The following SMYD3 variants were observed in gnomAD, a reference collection of about 807,000 sequenced individuals.
SMYD3 encodes SET and MYND domain containing 3.
In SMYD3, 36 loss-of-function variants were observed where a neutral mutation model predicts 57.7. The observed-to-expected ratio is 0.62, with a 90% CI of 0.48 to 0.82. SMYD3 has a LOEUF of 0.82. SMYD3 is among the 40% of genes least tolerant of loss of function. The pLI, the probability that SMYD3 is intolerant of heterozygous loss-of-function variation, is 0.00. For synonymous variants in SMYD3, 211 were observed against 195.0 expected, an observed-to-expected ratio of 1.08 and a Z score of -0.68; for missense variants, 515 against 538.8, an observed-to-expected ratio of 0.96 and a Z score of 0.44.
intron 1 of SMYD3, among the ~76,000 whole-genome samples, chr1:246,394,039 C>T (rs775434781): frequency 2.0e-4 from 31 of 152,212 alleles, no homozygotes; most frequent in Non-Finnish European, 4.3e-4. Flanking sequence ...ATAAAGAAAA[C>T]CTAATCAGTT....
intron 5 of SMYD3, among the ~76,000 whole-genome samples, chr1:246,152,120 C>G (rs2061949749): frequency 6.6e-6 from 1 of 152,190 alleles, no homozygotes; most frequent in Non-Finnish European, 1.5e-5. Context: ...AAGGGTTCAG[C>G]CCAGTGGCTG....
At chr1:246,444,770 G>A (rs765119853) in intron 1 of SMYD3, among the ~76,000 whole-genome samples, 11 of 152,182 alleles carry the variant, frequency 7.2e-5, no homozygotes, top group Non-Finnish European at 1.2e-4. Flanking sequence ...CAGCTCCAGA[G>A]TGCTTAACTC....
intron 10 of SMYD3, among the ~76,000 whole-genome samples, chr1:245,787,058 T>C (rs1034633291): frequency 6.6e-6 from 1 of 152,198 alleles, no homozygotes; most frequent in African/African-American, 2.4e-5. Context: ...GCAAACAGAA[T>C]TGTGTTCATT....
intron 8 of SMYD3, among the ~76,000 whole-genome samples, chr1:245,877,159 T>A (rs1335734020): frequency 6.6e-6 from 1 of 152,158 alleles, no homozygotes; most frequent in Non-Finnish European, 1.5e-5. Flanking sequence ...ACGGGGCAGC[T>A]CCCCGGCCCT....
At chr1:245,963,492 G>A (rs973652599) in intron 5 of SMYD3, among the ~76,000 whole-genome samples, 1 of 151,876 alleles carries the variant, frequency 6.6e-6, no homozygotes, top group Non-Finnish European at 1.5e-5. Context: ...AAACTCCAGA[G>A]GTGCCCATCA....
intron 5 of SMYD3, among the ~76,000 whole-genome samples, chr1:245,948,575 GTC>G (rs1401575277): frequency 2.0e-5 from 3 of 152,136 alleles, no homozygotes; most frequent in Non-Finnish European, 4.4e-5. Context: ...TACTGCTCGA[GTC>G]CTAAGCAGCT....
intron 5 of SMYD3, among the ~76,000 whole-genome samples, chr1:245,985,864 T>C (rs6657859): frequency 0.12 from 18,640 of 152,152 alleles, 1,533 homozygotes; most frequent in East Asian, 0.44. Context: ...TTTGGACTCC[T>C]TTCTGGCTCT....
At chr1:246,328,659 T>G (rs1319161696) in intron 4 of SMYD3, among the ~76,000 whole-genome samples, 1 of 151,772 alleles carries the variant, frequency 6.6e-6, no homozygotes, top group African/African-American at 2.4e-5. Flanking sequence ...TTTTTGATGG[T>G]AAATATATGT....
At chr1:246,413,659 C>G (rs191846328) in intron 1 of SMYD3, among the ~76,000 whole-genome samples, 2 of 152,174 alleles carry the variant, frequency 1.3e-5, no homozygotes, top group Admixed American at 1.3e-4. Context: ...CACCCCCACA[C>G]ACTAGCTCCT....
intron 1 of SMYD3, among the ~76,000 whole-genome samples, chr1:246,443,977 C>T (rs528266909): frequency 1.3e-5 from 2 of 152,146 alleles, no homozygotes; most frequent in African/African-American, 2.4e-5. Flanking sequence ...CCCATCACCA[C>T]CACAGACAGA....
intron 10 of SMYD3, among the ~76,000 whole-genome samples, chr1:245,770,130 A>G (rs1392121681): frequency 6.6e-6 from 1 of 152,264 alleles, no homozygotes; most frequent in Non-Finnish European, 1.5e-5. Context: ...AGGAAAACAT[A>G]GACAAAAAAG....
At chr1:246,007,343 G>A (rs910150913) in intron 5 of SMYD3, among the ~76,000 whole-genome samples, 2 of 152,188 alleles carry the variant, frequency 1.3e-5, no homozygotes, top group African/African-American at 4.8e-5. Context: ...AAAGATTTGG[G>A]TGCCTCGTGA....
At chr1:245,921,266 A>T (rs2055905096) in intron 7 of SMYD3, among the ~76,000 whole-genome samples, 1 of 152,212 alleles carries the variant, frequency 6.6e-6, no homozygotes, top group African/African-American at 2.4e-5. Flanking sequence ...ATTACTAAAA[A>T]GTCCAAAAAT....
chr1:246,071,948 T>A (rs12032109), intron 5 of SMYD3, among the ~76,000 whole-genome samples: 163 of 127,538 alleles, frequency 1.3e-3, no homozygotes, highest in African/African-American at 3.2e-3. Flanking sequence ...CTGTGGATGC[T>A]TCCTGTTAGT....
intron 5 of SMYD3, among the ~76,000 whole-genome samples, chr1:246,302,016 C>G (rs893876433): frequency 1.3e-5 from 2 of 152,076 alleles, no homozygotes; most frequent in African/African-American, 4.8e-5. Flanking sequence ...GGAGGACATG[C>G]GAGCTAAGGC....
chr1:246,411,418 G>C (rs561541746), intron 1 of SMYD3, among the ~76,000 whole-genome samples: 2 of 152,120 alleles, frequency 1.3e-5, no homozygotes, highest in Non-Finnish European at 2.9e-5. Context: ...TCAGTGTGGC[G>C]ATTCCTCAGG....
At chr1:245,764,019 T>C (rs893176100) in intron 11 of SMYD3, 22 bp downstream of exon 11, 7 of 1,561,588 alleles carry the variant, frequency 4.5e-6, no homozygotes, top group Non-Finnish European at 6.2e-6. Flanking sequence ...GGCAGAACTA[T>C]GTGAGATCTT....
At chr1:246,200,494 G>C (rs1037316966) in intron 5 of SMYD3, among the ~76,000 whole-genome samples, 1 of 151,978 alleles carries the variant, frequency 6.6e-6, no homozygotes, top group Non-Finnish European at 1.5e-5. Context: ...CTGTAATAGA[G>C]AAGATAGAGA....
intron 5 of SMYD3, among the ~76,000 whole-genome samples, chr1:246,119,354 GTC>G (rs981283427): frequency 6.6e-5 from 10 of 151,136 alleles, no homozygotes; most frequent in African/African-American, 2.4e-4. Flanking sequence ...CTGTAGTTGG[GTC>G]TCTGTCTTGC....
Sources: gnomAD v4.1 joint callset for allele counts (sites outside exome capture counted in the v4.1 genomes callset) on GRCh38, gnomAD v4.1.1 for gene constraint, MANE v1.5 for transcripts, NCBI Gene and HGNC (gene_info 2026-07-23, HGNC 2026-07-21) for gene names.